Variants in FAM186B observed in about 807,000 individuals in gnomAD.
The protein encoded by FAM186B is protein FAM186B.
A neutral mutation model predicts 83.4 loss-of-function variants in FAM186B; 68 were observed. The ratio of observed to expected loss-of-function variants is 0.81; its 90% confidence interval spans 0.67 to 1.00. The LOEUF (loss-of-function observed/expected upper bound fraction) is 1.00, where lower values mean the gene tolerates loss of function less well. FAM186B is among the 50% of genes least tolerant of loss of function. The pLI is 0.00. For missense variants in FAM186B, 983 were observed against 1,099.2 expected, an observed-to-expected ratio of 0.89 and a Z score of 1.49; for synonymous variants, 389 against 422.0, an observed-to-expected ratio of 0.92 and a Z score of 0.96.
At chr12:49,619,443 C>T in the FAM186B span, 17 of 581,772 alleles carry the variant, frequency 2.9e-5, no homozygotes, top group South Asian at 3.3e-4. Flanking sequence ...GCAGGTTTTG[C>T]AGCAATTGTT....
At chr12:49,586,837 C>T (rs1939453094), downstream of FAM186B, among the ~76,000 whole-genome samples, 1 of 152,218 alleles carries the variant, frequency 6.6e-6, no homozygotes, top group Non-Finnish European at 1.5e-5. Context: ...GATTCGCCCT[C>T]TTTGATGCTG....
At position 49,588,579 on chromosome 12, in the gene FAM186B, G is replaced by A. The variant is rs950298571; in HGVS notation, c.2409C>T (p.Thr803=). The A allele has an allele frequency of 1.2e-6, 2 of 1,610,076 alleles. No individual in the cohort carries two copies. The highest frequency in any genetic ancestry group is 2.7e-5 in the African/African-American group (2 of 74,890). The change falls in exon 6 of 7, where the codon ACC becomes ACT. Residue 803 remains threonine (T), a synonymous_variant. Transcript: ENST00000257894. ...WNVHLNIPEV[T]SPKPKKCKLP... is the part of the protein sequence containing the mutation. Reference sequence around the variant, plus strand: ...ACTTGCATTTCTTTGGCTTTGGCGAGGTGACCTCAGGGATGTTCAGGTGAA... The same window carrying A: ...ACTTGCATTTCTTTGGCTTTGGCGAAGTGACCTCAGGGATGTTCAGGTGAA...
chr12:49,594,527 A>G (rs764433575), intron 5 of FAM186B, among the ~76,000 whole-genome samples: 3 of 152,252 alleles, frequency 2.0e-5, no homozygotes, highest in Non-Finnish European at 4.4e-5. Context: ...GAACAATTTT[A>G]ACAATATACT....
In FAM186B at chr12:49,599,687, C is replaced by G; in HGVS notation, c.1953G>C (p.Gln651His). The G allele has an allele frequency of 6.2e-7, 1 of 1,608,960 alleles. No individual in the cohort carries two copies. The highest frequency in any genetic ancestry group is 1.1e-5 in the South Asian group (1 of 90,146). Residue 651 changes from glutamine (Q) to histidine (H), a missense_variant, in exon 4 of 7, where the codon CAG (glutamine) becomes CAC (histidine). Transcript: ENST00000257894. Reference protein sequence around the residue: ...SIRRLTWPSLQISPANIKKKV... With the variant: ...SIRRLTWPSLHISPANIKKKV... ...TCTTCTTAATATTTGCAGGGGATAT[C>G]TGCAAAGAGGGCCAGGTCAGCCTTC...
downstream of FAM186B, among the ~76,000 whole-genome samples, chr12:49,587,219 C>T (rs1181566993): frequency 1.3e-5 from 2 of 152,078 alleles, no homozygotes; most frequent in Non-Finnish European, 2.9e-5. Flanking sequence ...AGGCCCAAGG[C>T]TCAGGTTTCT....
chr12:49,584,653 G>A, downstream of FAM186B: 1 of 702,028 alleles, frequency 1.4e-6, no homozygotes, highest in Non-Finnish European at 2.6e-6. Context: ...GGGAGTAACT[G>A]AGACAAGGCC....
chr12:49,622,364 C>A, the FAM186B span, among the ~76,000 whole-genome samples: 1 of 152,222 alleles, frequency 6.6e-6, no homozygotes, highest in Non-Finnish European at 1.5e-5. Context: ...CAAAATTAGC[C>A]GGGCGTTGTG....
At chr12:49,587,067 A>G (rs1030523857), downstream of FAM186B, among the ~76,000 whole-genome samples, 3 of 152,208 alleles carry the variant, frequency 2.0e-5, no homozygotes. Flanking sequence ...AGTGACATCT[A>G]CAAGCCCAGA....
rs768197102 is a variant in FAM186B, at chr12:49,599,981, C to G, written c.1659G>C (p.Glu553Asp). ...GTGTGAAGATCCTCCTCTCCACATC[C>G]TCCCCTAGCTGCTCTGGCTCTCTCC... is the stretch of plus-strand genomic sequence containing the variant. ...SPRREPEQLG[E>D]DVERRIFTPT... The change falls in exon 4 of 7, where the codon GAG becomes GAC. Residue 553 changes from glutamate (E) to aspartate (D), a missense_variant. By Grantham distance (45) the Glu-to-Asp change is conservative (BLOSUM62 2). Coordinates refer to ENST00000257894, the MANE Select transcript of FAM186B (RefSeq NM_032130.3). 1 of 1,613,724 alleles carries G rather than the reference C, an allele frequency of 6.2e-7. No homozygotes were observed. Among genetic ancestry groups the G allele is most frequent in the East Asian group, 2.2e-5 (1 of 44,876 alleles).
At position 49,601,181 on chromosome 12, in the gene FAM186B, A is replaced by C. The variant is rs756604446; in HGVS notation, c.506-47T>G. 4 of 1,515,760 alleles carry C rather than the reference A, an allele frequency of 2.6e-6. No individual in the cohort carries two copies. In the East Asian group the frequency reaches 9.1e-5, roughly 34 times the overall value. 93.9% of individuals were successfully genotyped at this position (1,515,760 alleles called of 1,614,324 possible). A position where few individuals can be genotyped will look rare whatever the true frequency, so the allele number is the denominator to read the frequency against. On this transcript the variant is annotated intron_variant, in intron 3 of 6. Transcript: ENST00000257894. ...AAGTCAACGATTTCTCATGGGTCCC[A>C]AGGATTGCATTGATTCTCCAAACCC...
chr12:49,590,433 GGTGA>G (rs1939557534), intron 5 of FAM186B, among the ~76,000 whole-genome samples: 2 of 152,122 alleles, frequency 1.3e-5, no homozygotes, highest in Non-Finnish European at 2.9e-5. Context: ...ATTTTTGGCA[GGTGA>G]GTGAGCATTA....
chr12:49,604,584 C>A, intron 1 of FAM186B, 46 bp from the exon 2 acceptor site: 1 of 1,530,032 alleles, frequency 6.5e-7, no homozygotes, highest in Non-Finnish European at 9.0e-7. Flanking sequence ...TGGACTTGAG[C>A]CAGAAGCCAC....
chr12:49,618,813 T>C, the FAM186B span, among the ~76,000 whole-genome samples: 2 of 149,480 alleles, frequency 1.3e-5, no homozygotes, highest in African/African-American at 4.9e-5. Context: ...GTAATAGGAG[T>C]TCCAAAAAGG....
At chr12:49,597,433 A>G (rs1939754098) in intron 5 of FAM186B, among the ~76,000 whole-genome samples, 1 of 151,980 alleles carries the variant, frequency 6.6e-6, no homozygotes, top group African/African-American at 2.4e-5. Context: ...GAGGAGACAG[A>G]AAATAAAACA....
chr12:49,597,259 A>G (rs1365488322), intron 5 of FAM186B, among the ~76,000 whole-genome samples: 5 of 152,242 alleles, frequency 3.3e-5, no homozygotes, highest in African/African-American at 1.2e-4. Context: ...AACTGTATAT[A>G]CAGTGGAATA....
intron 5 of FAM186B, among the ~76,000 whole-genome samples, chr12:49,593,643 A>AAAGAAAG (rs1555203508): frequency 2.7e-5 from 4 of 150,164 alleles, no homozygotes; most frequent in African/African-American, 9.9e-5. Flanking sequence ...AAAAAAAAAA[A>AAAGAAAG]AAAGAAAAGA....
downstream of FAM186B, chr12:49,582,893 CAT>C: frequency 7.6e-6 from 3 of 393,346 alleles, no homozygotes; most frequent in South Asian, 5.5e-5. Flanking sequence ...GATACACACA[CAT>C]ATATATTTGT....
chr12:49,589,626 A>G (rs1283773414), intron 5 of FAM186B, among the ~76,000 whole-genome samples: 1 of 152,134 alleles, frequency 6.6e-6, no homozygotes, highest in Non-Finnish European at 1.5e-5. Flanking sequence ...GAATCTAGAA[A>G]CGGGCAAAAC....
At chr12:49,603,050 C>G (rs1314002225) in intron 3 of FAM186B, 135 bp downstream of exon 3, 1 of 929,870 alleles carries the variant, frequency 1.1e-6, no homozygotes, top group Non-Finnish European at 1.7e-6. Flanking sequence ...CCCCTCACCA[C>G]TGCCCATCCA....
Sources: allele counts gnomAD v4.1 joint callset (sites outside exome capture counted in the v4.1 genomes callset), GRCh38; gene constraint gnomAD v4.1.1; transcripts MANE v1.5; gene names NCBI Gene and HGNC (gene_info 2026-07-23, HGNC 2026-07-21).